TENM2: variants seen among roughly 807,000 people sequenced by gnomAD.
TENM2 encodes the protein teneurin transmembrane protein 2.
A neutral mutation model predicts 245.2 loss-of-function variants in TENM2; 52 were observed. The observed-to-expected ratio is 0.21, with a 90% CI of 0.17 to 0.27. The LOEUF is 0.27. Among genes scored for constraint, TENM2 ranks in the 10% least tolerant of loss-of-function variants. The pLI is 1.00. For synonymous variants in TENM2, 1,363 were observed against 1,438.9 expected (o/e 0.95, Z 1.19); for missense variants, 3,046 against 3,666.8 (o/e 0.83, Z 4.37).
chr5:167,717,622 T>C (rs1759356741), intron 2 of TENM2, among the ~76,000 whole-genome samples: 1 of 152,144 alleles, frequency 6.6e-6, no homozygotes, highest in Admixed American at 6.5e-5. Flanking sequence ...GCTTCTTGAG[T>C]AAGTGTTTTC....
chr5:167,007,887 G>A, the TENM2 span, among the ~76,000 whole-genome samples: 4 of 152,038 alleles, frequency 2.6e-5, no homozygotes, highest in African/African-American at 9.7e-5. The surrounding 1 kb of genome is among the most constrained non-coding windows in gnomAD (Gnocchi z 4.2). Flanking sequence ...ATTTGCTTGG[G>A]GGCAGCCTGG....
intron 27 of TENM2, among the ~76,000 whole-genome samples, chr5:168,250,056 GTGGATGGCTGGATGGATGGCTGAC>G (rs1244818256): frequency 6.6e-6 from 1 of 152,068 alleles, no homozygotes; most frequent in Non-Finnish European, 1.5e-5. Flanking sequence ...GGATGGTTGG[GTGGATGGCTGGATGGATGGCTGAC>G]TGGATGGCTG....
chr5:167,208,825 A>G, the TENM2 span, among the ~76,000 whole-genome samples: 10 of 152,346 alleles, frequency 6.6e-5, no homozygotes, highest in African/African-American at 2.4e-4. Flanking sequence ...ACATCAGACC[A>G]TGCCAACAAT....
rs139527824 is a variant in TENM2, at chr5:167,303,116, C to T, written c.226+18053C>T. On this transcript the variant is annotated intron_variant, in intron 1 of 28. Coordinates refer to ENST00000518659, the Ensembl canonical transcript of TENM2. ...GTTGGAGAAGAGAGTAAGAAGAGGCCGCTTACCCGATTTAAAATTGGTGAG... is the reference window on the plus strand; with the variant it reads ...GTTGGAGAAGAGAGTAAGAAGAGGCTGCTTACCCGATTTAAAATTGGTGAG... 574 of 162,450 alleles carry T rather than the reference C, an allele frequency of 3.5e-3. 2 individuals carry two copies. Among genetic ancestry groups the T allele is most frequent in the Non-Finnish European group, 5.7e-3 (439 of 76,618 alleles). The allele number at this position is 162,450 out of a possible 1,614,324, so 10.1% of individuals were successfully genotyped here.
At chr5:167,188,604 TAAAGA>T in the TENM2 span, among the ~76,000 whole-genome samples, 1 of 152,152 alleles carries the variant, frequency 6.6e-6, no homozygotes, top group African/African-American at 2.4e-5. Context: ...TATAAAGCCA[TAAAGA>T]AAAGAGTTTG....
At chr5:168,060,207 T>C (rs909004034) in intron 6 of TENM2, among the ~76,000 whole-genome samples, 5 of 145,634 alleles carry the variant, frequency 3.4e-5, no homozygotes, top group Non-Finnish European at 6.0e-5. Context: ...CTGGGCAACA[T>C]AGTGACACCT....
At chr5:167,503,862 C>T (rs1173892311) in intron 2 of TENM2, among the ~76,000 whole-genome samples, 2 of 152,082 alleles carry the variant, frequency 1.3e-5, no homozygotes, top group African/African-American at 4.8e-5. Context: ...CCACTGTACT[C>T]CAGCCTGGGC....
chr5:167,287,761 G>C (rs1157870976), intron 1 of TENM2: 1 of 152,208 alleles, frequency 6.6e-6, no homozygotes. Context: ...TTCTTCTATT[G>C]TGGCTTCTTC....
intron 1 of TENM2, among the ~76,000 whole-genome samples, chr5:167,300,816 CCCAGGAATAG>C (rs879685575): frequency 5.9e-5 from 9 of 152,086 alleles, no homozygotes; most frequent in Middle Eastern, 3.4e-3. Flanking sequence ...GTGGCTGTAG[CCCAGGAATAG>C]TCAGGGAAGC....
intron 2 of TENM2, among the ~76,000 whole-genome samples, chr5:167,790,245 A>G (rs1157346839): frequency 1.3e-5 from 2 of 152,186 alleles, no homozygotes; most frequent in South Asian, 2.1e-4. Context: ...TGTTTAAAGC[A>G]GGGCACAAAA....
At chr5:167,083,265 G>C in the TENM2 span, among the ~76,000 whole-genome samples, 3 of 152,108 alleles carry the variant, frequency 2.0e-5, no homozygotes, top group Non-Finnish European at 2.9e-5. Context: ...AATTCAAGGA[G>C]GAAATCTTTT....
intron 6 of TENM2, among the ~76,000 whole-genome samples, chr5:168,051,825 A>G (rs1335971908): frequency 6.6e-6 from 1 of 152,150 alleles, no homozygotes; most frequent in Non-Finnish European, 1.5e-5. Context: ...CCCTTGTAAA[A>G]CATTGCATGT....
At chr5:167,044,532 A>G in the TENM2 span, among the ~76,000 whole-genome samples, 1 of 152,166 alleles carries the variant, frequency 6.6e-6, no homozygotes, top group Admixed American at 6.5e-5. Context: ...AGGGTGTCCA[A>G]TGTTGTTTAA....
At chr5:167,635,932 C>T (rs984118114) in intron 2 of TENM2, among the ~76,000 whole-genome samples, 1 of 151,618 alleles carries the variant, frequency 6.6e-6, no homozygotes, top group South Asian at 2.1e-4. Context: ...GCGTGAGTCA[C>T]AGCGCCCGGC....
the TENM2 span, among the ~76,000 whole-genome samples, chr5:167,163,128 G>T: frequency 2.6e-5 from 4 of 152,106 alleles, no homozygotes; most frequent in Non-Finnish European, 5.9e-5. Context: ...AGAGGTGGGG[G>T]GTCTCACTCT....
At chr5:167,844,663 A>T (rs532160319) in intron 2 of TENM2, among the ~76,000 whole-genome samples, 2 of 152,196 alleles carry the variant, frequency 1.3e-5, no homozygotes, top group Non-Finnish European at 2.9e-5. Context: ...ATAGCAAATT[A>T]CTTGGTGGAC....
At chr5:167,152,513 AT>A in the TENM2 span, among the ~76,000 whole-genome samples, 3 of 152,196 alleles carry the variant, frequency 2.0e-5, no homozygotes, top group Non-Finnish European at 4.4e-5. Flanking sequence ...CTTAGCTGTT[AT>A]ATAGTGTTAA....
intron 2 of TENM2, among the ~76,000 whole-genome samples, chr5:167,843,038 G>A (rs934497981): frequency 4.6e-5 from 7 of 152,034 alleles, no homozygotes; most frequent in Non-Finnish European, 8.8e-5. Flanking sequence ...GATTGTATTG[G>A]TATCTAGTAC....
intron 7 of TENM2, among the ~76,000 whole-genome samples, chr5:168,081,754 T>C (rs1379763284): frequency 3.9e-5 from 6 of 152,258 alleles, no homozygotes; most frequent in Non-Finnish European, 7.3e-5. Flanking sequence ...TGTTGAATAT[T>C]GGCCCCCACT....
Sources: gnomAD v4.1 joint callset for allele counts (sites outside exome capture counted in the v4.1 genomes callset) on GRCh38, gnomAD v4.1.1 for gene constraint, Gnocchi (gnomAD v3.1) non-coding constraint, MANE v1.5 for transcripts, NCBI Gene and HGNC (gene_info 2026-07-23, HGNC 2026-07-21) for gene names.